Variants in CEACAM20 observed in about 807,000 individuals in gnomAD.
CEACAM20 encodes the protein CEA cell adhesion molecule 20, also known as cell adhesion molecule CEACAM20.
In CEACAM20, 50 loss-of-function variants were observed where a neutral mutation model predicts 61.2. The ratio of observed to expected loss-of-function variants is 0.82; its 90% confidence interval spans 0.65 to 1.03. The LOEUF (loss-of-function observed/expected upper bound fraction) is 1.03, where lower values mean the gene tolerates loss of function less well. Among genes scored for constraint, CEACAM20 ranks in the 50% least tolerant of loss-of-function variants. The pLI is 0.00. For synonymous variants in CEACAM20, 282 were observed against 287.7 expected (o/e 0.98, Z 0.20); for missense variants, 683 against 736.4 (o/e 0.93, Z 0.84).
intron 6 of CEACAM20, among the ~76,000 whole-genome samples, chr19:44,516,442 A>G (rs1245668115): frequency 6.6e-6 from 1 of 152,152 alleles, no homozygotes; most frequent in Non-Finnish European, 1.5e-5. Flanking sequence ...GGTTTCCCCC[A>G]TACTGTTCTC....
chr19:44,516,888 G>A (rs1971171045), intron 6 of CEACAM20, 58 bp downstream of exon 6: 5 of 1,541,744 alleles, frequency 3.2e-6, no homozygotes, highest in Middle Eastern at 2.2e-4. Flanking sequence ...AGGTAGCTGG[G>A]ACCAGCATCA....
intron 6 of CEACAM20, among the ~76,000 whole-genome samples, chr19:44,514,447 T>C (rs146923115): frequency 6.9e-6 from 1 of 145,890 alleles, no homozygotes; most frequent in Non-Finnish European, 1.5e-5. Context: ...CATTTCTGCA[T>C]CTCCACTTTT....
Position 44,517,098 on chromosome 19 carries a change from C to T in CEACAM20, c.1157G>A (p.Arg386His), listed in dbSNP as rs760111245. The change falls in exon 6 of 12, where the codon CGC becomes CAC. Residue 386 changes from arginine to histidine, a missense_variant. Physicochemically the swap from Arg to His is conservative, Grantham distance 29. Coordinates refer to ENST00000614924, the MANE Select transcript of CEACAM20 (RefSeq NM_001102597.3). ...WAESKPGAEY[R>H]WTLEHSTGEH... Reference sequence around the variant, plus strand: ...CCCGGTGGAGTGTTCAAGAGTCCAGCGATACTCAGCACCTGGCTTGGACTC... The same window carrying T: ...CCCGGTGGAGTGTTCAAGAGTCCAGTGATACTCAGCACCTGGCTTGGACTC... 5.0e-6 allele frequency: 8 copies of T among 1,611,566 alleles called. No individual in the cohort carries two copies. The highest frequency in any genetic ancestry group is 3.3e-5 in the South Asian group (3 of 90,504).
chr19:44,509,943 T>C (rs1388700544), intron 11 of CEACAM20, among the ~76,000 whole-genome samples: 2 of 151,404 alleles, frequency 1.3e-5, no homozygotes, highest in Admixed American at 6.6e-5. Context: ...ACGGATGAAA[T>C]GGATTAAATA....
At chr19:44,512,797 A>G in intron 8 of CEACAM20, 71 bp downstream of exon 8, 3 of 1,265,238 alleles carry the variant, frequency 2.4e-6, no homozygotes, top group South Asian at 2.5e-5. Context: ...CAAAGCTGGG[A>G]GCCCCCAGCA....
rs1252279200 is a variant in CEACAM20, at chr19:44,525,216, T to C, written c.81A>G (p.Pro27=). Residue 27 remains proline (P), a synonymous_variant, in exon 2 of 12, where the codon CCA becomes CCG. Coordinates refer to ENST00000614924, the MANE Select transcript of CEACAM20 (RefSeq NM_001102597.3). ...SASLCTVWSP[P]AAAQLTLNAN... ...CATTGAGGGTGAGCTGGGCTGCAGC[T>C]GGAGGACTCCATACGGTACAAAGCG... is the stretch of plus-strand genomic sequence containing the variant. The C allele has an allele frequency of 6.2e-7, 1 of 1,608,046 alleles. No individual in the cohort carries two copies. Among genetic ancestry groups the C allele is most frequent in the East Asian group, 2.3e-5 (1 of 44,316 alleles).
chr19:44,511,494 A>G, intron 10 of CEACAM20, 143 bp downstream of exon 10: 1 of 852,246 alleles, frequency 1.2e-6, no homozygotes, highest in Non-Finnish European at 1.9e-6. Flanking sequence ...GTGAGGCCTT[A>G]GGCTACTCTC....
intron 8 of CEACAM20, among the ~76,000 whole-genome samples, chr19:44,512,645 C>T (rs1489756754): frequency 6.6e-6 from 1 of 152,200 alleles, no homozygotes; most frequent in African/African-American, 2.4e-5. Context: ...AGAATTCCAG[C>T]CTGTTGTCCT....
intron 11 of CEACAM20, among the ~76,000 whole-genome samples, chr19:44,510,610 A>AAAGAAAGAAAG (rs1970963195): frequency 1.7e-5 from 1 of 58,952 alleles, no homozygotes; most frequent in African/African-American, 1.3e-4. Flanking sequence ...GAAAGAAAGA[A>AAAGAAAGAAAG]AAAGGAAGGA....
At chr19:44,520,894 T>C in intron 4 of CEACAM20, 142 bp from the exon 5 acceptor site, 1 of 814,936 alleles carries the variant, frequency 1.2e-6, no homozygotes, top group South Asian at 1.7e-5. Context: ...ATGATTTGCA[T>C]AATGCTGGTG....
rs536633049 is a variant in CEACAM20 at position 44,524,375 on chromosome 19, C to T, written c.197-114G>A. 1.8e-3 allele frequency: 2,166 copies of T among 1,181,202 alleles called. 5 individuals are homozygous for T. Among genetic ancestry groups the T allele is most frequent in the Non-Finnish European group, 2.3e-3 (1,897 of 840,394 alleles). The allele number at this position is 1,181,202 out of a possible 1,614,324, so 73.2% of individuals were successfully genotyped here. A position where few individuals can be genotyped will look rare whatever the true frequency, so the allele number is the denominator to read the frequency against. On this transcript the variant is annotated intron_variant, in intron 2 of 11. Coordinates refer to ENST00000614924, the MANE Select transcript of CEACAM20 (RefSeq NM_001102597.3). ...ACTAGATTGGAATTGCCAGAAGACT[C>T]TCTGGAGTTGGATGCCTGGGCTTGA...
intron 11 of CEACAM20, among the ~76,000 whole-genome samples, chr19:44,510,547 GGAAAGAAAGAAA>G (rs770702249): frequency 0.013 from 684 of 52,690 alleles, 6 homozygotes; most frequent in East Asian, 0.044. Context: ...AAGGAAGGAA[GGAAAGAAAGAAA>G]GAAAGAAAGA....
intron 8 of CEACAM20, 24 bp downstream of exon 8, chr19:44,512,844 A>G (rs759684861): frequency 6.9e-6 from 11 of 1,599,930 alleles, no homozygotes; most frequent in Admixed American, 6.7e-5. Context: ...TGCCCCAGGC[A>G]TCAGCCACCA....
At chr19:44,515,329 C>T (rs564724280) in intron 6 of CEACAM20, among the ~76,000 whole-genome samples, 2 of 152,274 alleles carry the variant, frequency 1.3e-5, no homozygotes, top group East Asian at 3.9e-4. Flanking sequence ...CCTACAATAT[C>T]CCCGTGAGCA....
At chr19:44,526,772 G>T (rs1277118472) in intron 1 of CEACAM20, among the ~76,000 whole-genome samples, 1 of 151,180 alleles carries the variant, frequency 6.6e-6, no homozygotes, top group South Asian at 2.1e-4. Flanking sequence ...TACTTGGGAG[G>T]CTGAGGCACA....
rs1971241654 is a variant in CEACAM20, at chr19:44,518,147, GA to G, written c.1031-924del. On this transcript the variant is annotated intron_variant, in intron 5 of 11. Transcript: ENST00000614924. ...GGAAGGAAGGAAGGAAGGAAGGAAG[GA>G]AGGAAGGAAGGAAGGAAGGAAGAAA... 7.2e-4 allele frequency among the ~76,000 whole-genome samples: 57 copies of G among 78,668 alleles called. 3 individuals are homozygous for G. Among genetic ancestry groups the G allele is most frequent in the Non-Finnish European group, 7.4e-4 (28 of 38,070 alleles). 51.6% of individuals were successfully genotyped at this position (78,668 alleles called of 152,430 possible).
At chr19:44,520,201 G>T (rs1568454483) in intron 5 of CEACAM20, among the ~76,000 whole-genome samples, 2 of 152,114 alleles carry the variant, frequency 1.3e-5, no homozygotes, top group South Asian at 4.1e-4. Context: ...TTCTATGTTT[G>T]CCTCCCTGTA....
chr19:44,521,069 CAT>C (rs1971351329), intron 4 of CEACAM20, among the ~76,000 whole-genome samples: 1 of 151,778 alleles, frequency 6.6e-6, no homozygotes, highest in Non-Finnish European at 1.5e-5. Flanking sequence ...GTGTGGTACA[CAT>C]ATGCACTTTG....
intron 2 of CEACAM20, among the ~76,000 whole-genome samples, 162 bp from the exon 3 acceptor site, chr19:44,524,423 T>C (rs955412891): frequency 1.3e-5 from 2 of 152,172 alleles, no homozygotes; most frequent in African/African-American, 4.8e-5. Flanking sequence ...CTGCTCATTC[T>C]TGGTGTCATC....
Sources: allele counts gnomAD v4.1 joint callset (sites outside exome capture counted in the v4.1 genomes callset), GRCh38; gene constraint gnomAD v4.1.1; transcripts MANE v1.5; gene names NCBI Gene and HGNC (gene_info 2026-07-23, HGNC 2026-07-21).